Variants in GRM3 observed in about 807,000 individuals in gnomAD.
GRM3 encodes the protein glutamate metabotropic receptor 3, also known as metabotropic glutamate receptor 3.
A neutral mutation model predicts 70.5 loss-of-function variants in GRM3; 26 were observed. The ratio of observed to expected loss-of-function variants is 0.37; its 90% CI spans 0.27 to 0.51. GRM3 has a LOEUF of 0.51. Ranked by LOEUF, GRM3 falls within the 20% of genes least tolerant of loss-of-function variation. The probability of loss-of-function intolerance (pLI) is 0.93; values close to 1 mark genes in which losing one functional copy is unlikely to be tolerated. For synonymous variants in GRM3, 443 were observed against 434.9 expected, an observed-to-expected ratio of 1.02 and a Z score of -0.23; for missense variants, 859 against 1,123.8, an observed-to-expected ratio of 0.76 and a Z score of 3.37.
chr7:86,744,448 G>T (rs1444098178), intron 1 of GRM3, among the ~76,000 whole-genome samples: 1 of 151,776 alleles, frequency 6.6e-6, no homozygotes, highest in African/African-American at 2.4e-5. Context: ...ATAGTGGAGA[G>T]CATGAAGAAC....
At chr7:86,711,181 A>AATTTT (rs1256670799) in intron 1 of GRM3, among the ~76,000 whole-genome samples, 9 of 149,162 alleles carry the variant, frequency 6.0e-5, no homozygotes, top group Admixed American at 6.7e-5. Flanking sequence ...AATTTAATTT[A>AATTTT]ATTTTATTTT....
intron 1 of GRM3, among the ~76,000 whole-genome samples, chr7:86,724,751 G>A (rs1795553300): frequency 6.6e-6 from 1 of 150,490 alleles, no homozygotes; most frequent in Non-Finnish European, 1.5e-5. Flanking sequence ...ACACTCTTGA[G>A]TGGGGAGGGT....
At chr7:86,774,008 T>C (rs1211854558) in intron 2 of GRM3, among the ~76,000 whole-genome samples, 3 of 152,066 alleles carry the variant, frequency 2.0e-5, no homozygotes, top group Admixed American at 6.6e-5. Context: ...AAGCAAAGAA[T>C]ACAGACATTC....
chr7:86,781,440 A>C (rs1416815604), intron 2 of GRM3, among the ~76,000 whole-genome samples: 1 of 152,150 alleles, frequency 6.6e-6, no homozygotes, highest in Non-Finnish European at 1.5e-5. Context: ...TTTTGCATTT[A>C]TAATTTCATT....
chr7:86,704,756 A>G (rs1292560391), intron 1 of GRM3, among the ~76,000 whole-genome samples: 1 of 151,952 alleles, frequency 6.6e-6, no homozygotes, highest in African/African-American at 2.4e-5. Context: ...TTTACATGGA[A>G]ATTAACATTC....
intron 1 of GRM3, among the ~76,000 whole-genome samples, chr7:86,717,381 A>T (rs942549063): frequency 6.6e-6 from 1 of 151,974 alleles, no homozygotes; most frequent in Non-Finnish European, 1.5e-5. Context: ...TCATAATGGC[A>T]TTTACTGCCT....
chr7:86,707,914 T>C (rs1584182623), intron 1 of GRM3, among the ~76,000 whole-genome samples: 4 of 152,134 alleles, frequency 2.6e-5, no homozygotes. Context: ...AAATAGTTCA[T>C]TTAATTTTCA....
At chr7:86,760,088 A>C (rs1039529662) in intron 1 of GRM3, among the ~76,000 whole-genome samples, 1 of 152,116 alleles carries the variant, frequency 6.6e-6, no homozygotes, top group African/African-American at 2.4e-5. Flanking sequence ...CACTCTCAGA[A>C]ACCCTTCAGC....
Position 86,719,335 on chromosome 7 carries a change from T to C in GRM3, c.-140-45671T>C, listed in dbSNP as rs1363702651. 2.6e-5 allele frequency among the ~76,000 whole-genome samples: 4 copies of C among 152,002 alleles called. No individual in the cohort carries two copies. In the East Asian group the frequency reaches 7.7e-4, roughly 29 times the overall value. ...TCTACTCTCCATTCTCTGGGAAGTT[T>C]CTTCATACATCTATTTAGCAAAATT... On this transcript the variant is annotated intron_variant, in intron 1 of 5. Transcript: ENST00000361669.
At chr7:86,789,127 C>T (rs1187642406) in intron 3 of GRM3, among the ~76,000 whole-genome samples, 1 of 152,154 alleles carries the variant, frequency 6.6e-6, no homozygotes, top group Non-Finnish European at 1.5e-5. Flanking sequence ...CTGTGCAAAC[C>T]TGACCACAAA....
chr7:86,680,122 C>T (rs1171451998), intron 1 of GRM3, among the ~76,000 whole-genome samples: 1 of 152,036 alleles, frequency 6.6e-6, no homozygotes, highest in East Asian at 1.9e-4. Flanking sequence ...AGAAGTTCAG[C>T]CTGTCACATT....
chr7:86,705,913 A>T (rs1212194305), intron 1 of GRM3, among the ~76,000 whole-genome samples: 1 of 152,130 alleles, frequency 6.6e-6, no homozygotes, highest in East Asian at 1.9e-4. Context: ...TTATTAAAAA[A>T]TTTGGAAGGC....
chr7:86,664,229 G>A (rs1163694747), intron 1 of GRM3, among the ~76,000 whole-genome samples: 2 of 151,910 alleles, frequency 1.3e-5, no homozygotes, highest in Non-Finnish European at 2.9e-5. Context: ...GACCAGTTAT[G>A]GGATTTTTTT....
intron 1 of GRM3, among the ~76,000 whole-genome samples, chr7:86,654,011 G>A (rs756177578): frequency 1.3e-5 from 2 of 152,176 alleles, no homozygotes; most frequent in Non-Finnish European, 2.9e-5. Flanking sequence ...TGGGGGCAGG[G>A]GAAGGACCTC....
At chr7:86,808,253 G>A (rs907904086) in intron 3 of GRM3, among the ~76,000 whole-genome samples, 2 of 152,006 alleles carry the variant, frequency 1.3e-5, no homozygotes, top group African/African-American at 4.8e-5. Context: ...GGATGATGCT[G>A]GCCTCATAAA....
At chr7:86,742,968 T>A (rs1312359437) in intron 1 of GRM3, among the ~76,000 whole-genome samples, 1 of 152,170 alleles carries the variant, frequency 6.6e-6, no homozygotes, top group African/African-American at 2.4e-5. Context: ...TTCATATTAT[T>A]ATTCTCACTT....
intron 1 of GRM3, among the ~76,000 whole-genome samples, chr7:86,756,139 C>T (rs900190962): frequency 3.3e-5 from 5 of 152,186 alleles, no homozygotes; most frequent in East Asian, 1.9e-4. Flanking sequence ...AGTGCAATGG[C>T]GTGATCTTTG....
At chr7:86,661,964 A>C (rs12535744) in intron 1 of GRM3, among the ~76,000 whole-genome samples, 46,725 of 151,650 alleles carry the variant, frequency 0.31, 8,721 homozygotes, top group East Asian at 0.71. Context: ...TTATATAATA[A>C]TATTTTTTCC....
At chr7:86,733,404 A>T (rs932488626) in intron 1 of GRM3, among the ~76,000 whole-genome samples, 1 of 151,952 alleles carries the variant, frequency 6.6e-6, no homozygotes. Flanking sequence ...GCTTAGACTC[A>T]GAAAATTATG....
Sources: gnomAD v4.1 joint callset for allele counts (sites outside exome capture counted in the v4.1 genomes callset) on GRCh38, gnomAD v4.1.1 for gene constraint, MANE v1.5 for transcripts, NCBI Gene and HGNC (gene_info 2026-07-23, HGNC 2026-07-21) for gene names.